The following YAF2 variants were observed in gnomAD, a reference collection of about 807,000 sequenced individuals.
YAF2 encodes the protein YY1-associated factor 2.
In YAF2, 7 loss-of-function variants were observed where a neutral mutation model predicts 20.1. That is an observed-to-expected ratio of 0.35 (90% CI 0.20 to 0.65). The LOEUF (loss-of-function observed/expected upper bound fraction) is 0.65, where lower values mean the gene tolerates loss of function less well. Ranked by LOEUF, YAF2 falls within the 30% of genes least tolerant of loss-of-function variation. The pLI, the probability that YAF2 is intolerant of heterozygous loss-of-function variation, is 0.69. For missense variants in YAF2, 151 were observed against 219.2 expected (o/e 0.69, Z 1.96); for synonymous variants, 74 against 76.0 (o/e 0.97, Z 0.14).
In YAF2 at chr12:42,165,624, C is replaced by T. The variant is rs140531958; in HGVS notation, c.153-3859G>A. On this transcript the variant is annotated intron_variant, in intron 2 of 3. Coordinates refer to ENST00000534854, the MANE Select transcript of YAF2 (RefSeq NM_005748.6). Reference sequence around the variant, plus strand: ...GACTACAAGTGCCTGCCACCATGCCCGGCTAATTTTTTTTTATTTTTTATT... The same window carrying T: ...GACTACAAGTGCCTGCCACCATGCCTGGCTAATTTTTTTTTATTTTTTATT... Among the ~76,000 whole-genome samples the T allele has an allele frequency of 8.6e-3, 1,300 of 151,322 alleles. 19 individuals carry two copies. Among genetic ancestry groups the T allele is most frequent in the African/African-American group, 0.03 (1,249 of 41,254 alleles).
At chr12:42,171,296 T>C (rs1328766922) in intron 2 of YAF2, among the ~76,000 whole-genome samples, 1 of 152,130 alleles carries the variant, frequency 6.6e-6, no homozygotes. Context: ...CAGCCAGAAC[T>C]GTTTAATCTG....
chr12:42,198,776 G>T (rs943243701), intron 2 of YAF2, among the ~76,000 whole-genome samples: 4 of 152,140 alleles, frequency 2.6e-5, no homozygotes, highest in African/African-American at 7.2e-5. Flanking sequence ...AGCAATAAAA[G>T]AAGAAAAGAC....
chr12:42,175,497 T>G (rs567523417), intron 2 of YAF2, among the ~76,000 whole-genome samples: 1 of 150,830 alleles, frequency 6.6e-6, no homozygotes, highest in South Asian at 2.1e-4. Context: ...ACATATTGCA[T>G]GTTTTATGTG....
intron 2 of YAF2, among the ~76,000 whole-genome samples, chr12:42,202,668 C>T (rs866339957): frequency 2.0e-5 from 3 of 152,078 alleles, no homozygotes; most frequent in South Asian, 2.1e-4. Flanking sequence ...GATGGAGTGT[C>T]GTTCTTGTCT....
At chr12:42,193,083 G>C (rs550396765) in intron 2 of YAF2, among the ~76,000 whole-genome samples, 1 of 152,106 alleles carries the variant, frequency 6.6e-6, no homozygotes, top group African/African-American at 2.4e-5. Flanking sequence ...GGTGGCCGAG[G>C]GGGGGCAGAT....
chr12:42,210,864 G>T, intron 2 of YAF2: 1 of 450,550 alleles, frequency 2.2e-6, no homozygotes, highest in African/African-American at 2.0e-5. Context: ...GAAATCATTA[G>T]AATGGTTTCA....
chr12:42,175,294 T>C (rs1052947605), intron 2 of YAF2, among the ~76,000 whole-genome samples: 1 of 152,052 alleles, frequency 6.6e-6, no homozygotes, highest in Non-Finnish European at 1.5e-5. Context: ...CATAAATTTC[T>C]AGAAAATGCA....
At chr12:42,198,087 A>C (rs1267042715) in intron 2 of YAF2, among the ~76,000 whole-genome samples, 1 of 152,160 alleles carries the variant, frequency 6.6e-6, no homozygotes, top group Non-Finnish European at 1.5e-5. Flanking sequence ...TCCAATCCCC[A>C]TAGAGTGAAA....
chr12:42,192,839 C>T (rs1234113), intron 2 of YAF2, among the ~76,000 whole-genome samples: 2,725 of 152,246 alleles, frequency 0.018, 81 homozygotes, highest in African/African-American at 0.061. Context: ...TATAGTCACA[C>T]GTCGCATAAC....
intron 2 of YAF2, among the ~76,000 whole-genome samples, chr12:42,194,032 A>T (rs979260592): frequency 6.6e-6 from 1 of 152,248 alleles, no homozygotes; most frequent in Non-Finnish European, 1.5e-5. Flanking sequence ...TAAAGAAAGA[A>T]AATACCTGTA....
intron 2 of YAF2, among the ~76,000 whole-genome samples, chr12:42,198,004 A>G (rs1293439754): frequency 6.6e-6 from 1 of 152,184 alleles, no homozygotes; most frequent in Non-Finnish European, 1.5e-5. Flanking sequence ...AATAGTATCT[A>G]CTAGGAAAAA....
intron 2 of YAF2, among the ~76,000 whole-genome samples, chr12:42,165,880 A>G (rs1223872074): frequency 6.9e-6 from 1 of 144,278 alleles, no homozygotes; most frequent in African/African-American, 2.7e-5. Context: ...TTTAAATTCT[A>G]TCTATATCTA....
chr12:42,230,883 G>C (rs114311759), intron 2 of YAF2, among the ~76,000 whole-genome samples: 1,601 of 152,280 alleles, frequency 0.011, 29 homozygotes, highest in African/African-American at 0.037. Flanking sequence ...AAAGGGCCAA[G>C]AACATCAAAT....
chr12:42,157,130 G>A lies in YAF2; in HGVS notation c.*3459C>T, dbSNP rs2065723853. The A allele has an allele frequency of 6.6e-6, 1 of 152,014 alleles. No homozygotes were observed. The highest frequency in any genetic ancestry group is 1.5e-5 in the Non-Finnish European group (1 of 68,008). 9.4% of individuals were successfully genotyped at this position (152,014 alleles called of 1,614,324 possible). The stretch of plus-strand genomic sequence containing the variant: ...TTATAAAGAAAACAGATTTATTTTG[G>A]CTTATGAGTCCAAAGGCTGAGGAGT... On this transcript the variant is annotated 3_prime_UTR_variant, in exon 4 of 4. Transcript: ENST00000534854.
At chr12:42,170,921 G>A (rs74341899) in intron 2 of YAF2, among the ~76,000 whole-genome samples, 3,657 of 152,120 alleles carry the variant, frequency 0.024, 146 homozygotes, top group African/African-American at 0.084. Context: ...CCTAATATCC[G>A]CTCTAAATGT....
At chr12:42,224,118 C>T (rs1300830466) in intron 2 of YAF2, among the ~76,000 whole-genome samples, 2 of 152,102 alleles carry the variant, frequency 1.3e-5, no homozygotes, top group African/African-American at 4.8e-5. Context: ...AAAACTAGAA[C>T]TATGTTGGAA....
intron 2 of YAF2, among the ~76,000 whole-genome samples, chr12:42,226,049 T>A (rs1259779753): frequency 6.6e-6 from 1 of 152,196 alleles, no homozygotes; most frequent in African/African-American, 2.4e-5. Context: ...CTCTCTTATT[T>A]CCTTGAGCAG....
At chr12:42,196,266 G>A (rs1431775331) in intron 2 of YAF2, among the ~76,000 whole-genome samples, 4 of 150,706 alleles carry the variant, frequency 2.7e-5, no homozygotes, top group African/African-American at 4.9e-5. Flanking sequence ...GGGAGGACAG[G>A]CAAAACAGCA....
chr12:42,221,739 T>TA (rs2067521448), intron 2 of YAF2, among the ~76,000 whole-genome samples: 1 of 152,180 alleles, frequency 6.6e-6, no homozygotes, highest in East Asian at 1.9e-4. Context: ...CTAAATATTA[T>TA]GTTAGTTCCC....
Sources: allele counts gnomAD v4.1 joint callset (sites outside exome capture counted in the v4.1 genomes callset), GRCh38; gene constraint gnomAD v4.1.1; transcripts MANE v1.5; gene names NCBI Gene and HGNC (gene_info 2026-07-23, HGNC 2026-07-21).